The following ZMAT4 variants were observed in gnomAD, a reference collection of about 807,000 sequenced individuals.
ZMAT4 encodes zinc finger matrin-type protein 4.
ZMAT4 carries 17 observed loss-of-function variants against 28.7 expected under a neutral mutation model. That is an observed-to-expected ratio of 0.59 (90% CI 0.41 to 0.89). The LOEUF is 0.89. Among genes scored for constraint, ZMAT4 ranks in the 40% least tolerant of loss-of-function variants. The probability of loss-of-function intolerance (pLI) is 0.00; values close to 1 mark genes in which losing one functional copy is unlikely to be tolerated. For missense variants in ZMAT4, 240 were observed against 283.8 expected (o/e 0.85, Z 1.11); for synonymous variants, 117 against 109.2 (o/e 1.07, Z -0.44).
chr8:40,807,511 G>T (rs1586086791), intron 2 of ZMAT4, among the ~76,000 whole-genome samples: 1 of 152,124 alleles, frequency 6.6e-6, no homozygotes, highest in Admixed American at 6.6e-5. Flanking sequence ...GATGATCTAA[G>T]TGTTCCAAGT....
chr8:40,544,436 TC>T (rs1249731045), intron 6 of ZMAT4, among the ~76,000 whole-genome samples: 2 of 152,186 alleles, frequency 1.3e-5, no homozygotes, highest in Non-Finnish European at 2.9e-5. Context: ...TGTTATTCTG[TC>T]TCACAAAGAG....
intron 3 of ZMAT4, among the ~76,000 whole-genome samples, chr8:40,697,776 TACTC>T (rs1809964751): frequency 6.8e-6 from 1 of 147,590 alleles, no homozygotes; most frequent in African/African-American, 2.5e-5. Flanking sequence ...CATCAAAACT[TACTC>T]AGTGACTGAC....
At chr8:40,841,867 G>T (rs558250815) in intron 1 of ZMAT4, among the ~76,000 whole-genome samples, 1 of 152,174 alleles carries the variant, frequency 6.6e-6, no homozygotes, top group Non-Finnish European at 1.5e-5. Flanking sequence ...GAAGAGTCCA[G>T]AGGGTGGTCC....
chr8:40,801,354 A>ATATATATATATATG (rs1814834178), intron 2 of ZMAT4, among the ~76,000 whole-genome samples: 1 of 59,568 alleles, frequency 1.7e-5, no homozygotes, highest in African/African-American at 6.0e-5. Flanking sequence ...AAAAAAAAAT[A>ATATATATATATATG]TATATATATA....
chr8:40,675,810 T>C (rs1808884653), intron 4 of ZMAT4, among the ~76,000 whole-genome samples: 1 of 152,180 alleles, frequency 6.6e-6, no homozygotes, highest in African/African-American at 2.4e-5. Context: ...CTCTACCTGC[T>C]CACGTTGATG....
chr8:40,772,785 A>T (rs564881936), intron 2 of ZMAT4, among the ~76,000 whole-genome samples: 19 of 152,384 alleles, frequency 1.2e-4, no homozygotes, highest in African/African-American at 4.3e-4. Context: ...GAGGACCTCA[A>T]TAAAACAGGA....
At chr8:40,806,436 T>G (rs567619963) in intron 2 of ZMAT4, among the ~76,000 whole-genome samples, 5 of 152,332 alleles carry the variant, frequency 3.3e-5, no homozygotes, top group Non-Finnish European at 7.4e-5. Context: ...AAGCAATGCT[T>G]CCTAAAGTTT....
At chr8:40,559,528 T>C (rs919181842) in intron 6 of ZMAT4, among the ~76,000 whole-genome samples, 4 of 152,244 alleles carry the variant, frequency 2.6e-5, no homozygotes, top group Admixed American at 2.6e-4. Flanking sequence ...TCCTTGTGCC[T>C]CCCTCCCCTC....
intron 2 of ZMAT4, among the ~76,000 whole-genome samples, chr8:40,768,510 T>G (rs2150562178): frequency 6.6e-6 from 1 of 152,288 alleles, no homozygotes; most frequent in Admixed American, 6.5e-5. Flanking sequence ...ACTTCAAGTT[T>G]CTACCTGAGG....
intron 6 of ZMAT4, among the ~76,000 whole-genome samples, chr8:40,574,792 T>C (rs190243264): frequency 1.5e-3 from 236 of 152,270 alleles, no homozygotes; most frequent in Non-Finnish European, 1.4e-3. Context: ...CCAGCCCACA[T>C]TGTCACTGCA....
chr8:40,850,749 C>T (rs759928211), intron 1 of ZMAT4, among the ~76,000 whole-genome samples: 1 of 152,090 alleles, frequency 6.6e-6, no homozygotes, highest in Non-Finnish European at 1.5e-5. Context: ...TTACGTAAAC[C>T]CTCACCTTAT....
At chr8:40,579,112 G>A (rs1410812615) in intron 6 of ZMAT4, among the ~76,000 whole-genome samples, 1 of 152,166 alleles carries the variant, frequency 6.6e-6, no homozygotes, top group Non-Finnish European at 1.5e-5. Context: ...GATAATAGAT[G>A]TGAAAATACC....
At chr8:40,532,324 C>A in intron 6 of ZMAT4, 86 bp from the exon 7 acceptor site, 1 of 1,130,926 alleles carries the variant, frequency 8.8e-7, no homozygotes, top group South Asian at 1.8e-5. Context: ...CCCTGTCTCT[C>A]TTCTACTTCT....
intron 2 of ZMAT4, among the ~76,000 whole-genome samples, chr8:40,816,778 T>C (rs1815557914): frequency 6.6e-6 from 1 of 152,192 alleles, no homozygotes; most frequent in Non-Finnish European, 1.5e-5. Flanking sequence ...TCTATTTTAG[T>C]GTTTGGTCAA....
At chr8:40,663,208 T>C (rs1585841242) in intron 5 of ZMAT4, among the ~76,000 whole-genome samples, 1 of 152,202 alleles carries the variant, frequency 6.6e-6, no homozygotes, top group South Asian at 2.1e-4. Flanking sequence ...ATCTGGCCTG[T>C]AGTCATGCTG....
At chr8:40,787,398 C>T (rs1000143196) in intron 2 of ZMAT4, among the ~76,000 whole-genome samples, 2 of 152,222 alleles carry the variant, frequency 1.3e-5, no homozygotes, top group African/African-American at 4.8e-5. Context: ...ACTTATCACA[C>T]ACTGTGGTCA....
chr8:40,609,881 G>A (rs1261649765), intron 5 of ZMAT4, among the ~76,000 whole-genome samples: 1 of 152,164 alleles, frequency 6.6e-6, no homozygotes, highest in African/African-American at 2.4e-5. Context: ...CCGCAGTGCA[G>A]CAAGGATGCA....
At chr8:40,652,738 G>A (rs1002463881) in intron 5 of ZMAT4, among the ~76,000 whole-genome samples, 78 of 117,582 alleles carry the variant, frequency 6.6e-4, no homozygotes, top group African/African-American at 2.0e-3. Context: ...ATACACCATG[G>A]AATACTATGC....
At chr8:40,621,101 C>T (rs1219849585) in intron 5 of ZMAT4, among the ~76,000 whole-genome samples, 1 of 152,112 alleles carries the variant, frequency 6.6e-6, no homozygotes, top group Non-Finnish European at 1.5e-5. Context: ...GAGTGAGTAC[C>T]ATGAAGAACA....
Sources: gnomAD v4.1 joint callset for allele counts (sites outside exome capture counted in the v4.1 genomes callset) on GRCh38, gnomAD v4.1.1 for gene constraint, MANE v1.5 for transcripts, NCBI Gene and HGNC (gene_info 2026-07-23, HGNC 2026-07-21) for gene names.